NAALADL2: variants seen among roughly 807,000 people sequenced by gnomAD.
The protein encoded by NAALADL2 is N-acetylated alpha-linked acidic dipeptidase like 2.
Under a neutral mutation model 87.2 loss-of-function variants are expected in NAALADL2, and 76 were observed. The observed-to-expected ratio is 0.87, with a 90% confidence interval of 0.72 to 1.05. NAALADL2 has a LOEUF of 1.05. Ranked by LOEUF, NAALADL2 falls within the 50% of genes least tolerant of loss-of-function variation. The pLI is 0.00. For missense variants in NAALADL2, 1,089 were observed against 945.8 expected (o/e 1.15, Z -1.99); for synonymous variants, 354 against 331.0 (o/e 1.07, Z -0.75).
At chr3:175,314,439 A>G (rs1159899785) in intron 4 of NAALADL2, among the ~76,000 whole-genome samples, 1 of 150,782 alleles carries the variant, frequency 6.6e-6, no homozygotes, top group Non-Finnish European at 1.5e-5. Context: ...TCAAAATAAA[A>G]TAAACCTATT....
chr3:174,461,297 TTTA>T (rs1441114589), intron 1 of NAALADL2, among the ~76,000 whole-genome samples: 5 of 152,136 alleles, frequency 3.3e-5, no homozygotes, highest in African/African-American at 4.8e-5. Context: ...ATTTATTTGT[TTTA>T]TTAGTCTCAA....
chr3:175,083,591 C>T (rs1311285382), intron 1 of NAALADL2, among the ~76,000 whole-genome samples: 1 of 152,018 alleles, frequency 6.6e-6, no homozygotes, highest in African/African-American at 2.4e-5. Context: ...GAATTCAAAC[C>T]TAGCTGTCTT....
rs556385244 is a variant in NAALADL2, at chr3:174,607,234, G to A, written c.-115+56597G>A. Among the ~76,000 whole-genome samples the A allele has an allele frequency of 1.4e-4, 22 of 151,980 alleles. No homozygotes were observed. In the East Asian group the frequency reaches 3.1e-3, roughly 21 times the overall value. On this transcript the variant is annotated intron_variant, in intron 2 of 3. Coordinates refer to the NAALADL2 transcript ENST00000434257. ...ATCATGCCAAAATGTAAAGACCATC[G>A]AGACTAGGAAGAAACTGCATCAACT...
intron 1 of NAALADL2, among the ~76,000 whole-genome samples, chr3:175,067,810 T>C (rs910272867): frequency 2.0e-5 from 3 of 152,052 alleles, no homozygotes; most frequent in African/African-American, 7.2e-5. Context: ...CACAGCACCA[T>C]TCAAAATAGC....
At chr3:175,357,275 T>C (rs1395707944) in intron 5 of NAALADL2, among the ~76,000 whole-genome samples, 3 of 152,186 alleles carry the variant, frequency 2.0e-5, no homozygotes, top group Admixed American at 6.6e-5. Context: ...TGACAGGCTA[T>C]GCTGCTGTAT....
Position 175,392,682 on chromosome 3 carries a change from C to T in NAALADL2, c.1091-54547C>T, listed in dbSNP as rs140794279. Among the ~76,000 whole-genome samples, 228 of 152,214 alleles carry T rather than the reference C, an allele frequency of 1.5e-3. 1 individual carries two copies. Among genetic ancestry groups the T allele is most frequent in the African/African-American group, 5.2e-3 (215 of 41,546 alleles). ...TCCTAAAACGGTGCACCTGCACCATCGATTATGCCAGGAAGAGCTAGCACA... is the reference window on the plus strand; with the variant it reads ...TCCTAAAACGGTGCACCTGCACCATTGATTATGCCAGGAAGAGCTAGCACA... On this transcript the variant is annotated intron_variant, in intron 5 of 13. Transcript: ENST00000454872.
chr3:174,800,676 C>G (rs1283428424), intron 3 of NAALADL2, among the ~76,000 whole-genome samples: 2 of 152,148 alleles, frequency 1.3e-5, no homozygotes, highest in East Asian at 1.9e-4. Flanking sequence ...ATGCTAGATC[C>G]ACCAACATCT....
chr3:175,308,499 T>C (rs981778458), intron 4 of NAALADL2, among the ~76,000 whole-genome samples: 2 of 152,206 alleles, frequency 1.3e-5, no homozygotes, highest in African/African-American at 4.8e-5. Flanking sequence ...GAAATAATAC[T>C]CGGAACTAGA....
intron 2 of NAALADL2, among the ~76,000 whole-genome samples, chr3:174,657,405 A>C (rs1725068825): frequency 6.6e-6 from 1 of 151,858 alleles, no homozygotes; most frequent in Admixed American, 6.6e-5. Flanking sequence ...AATCCACCTG[A>C]CTTGGCCTTC....
Position 175,446,935 on chromosome 3 carries a change from C to T in NAALADL2, c.1091-294C>T, listed in dbSNP as rs181591200. 1.8e-3 allele frequency among the ~76,000 whole-genome samples: 280 copies of T among 152,242 alleles called. 5 individuals are homozygous for T. The highest frequency in any genetic ancestry group is 0.013 in the South Asian group (65 of 4,830). On this transcript the variant is annotated intron_variant, in intron 5 of 13. Transcript: ENST00000454872. ...TTCTCCTGGCCCCTGTACCTTTATG[C>T]TTTCTCATTCTTTTGTCATCATTTT...
chr3:174,511,724 G>A (rs1008329514), intron 1 of NAALADL2, among the ~76,000 whole-genome samples: 1 of 147,240 alleles, frequency 6.8e-6, no homozygotes, highest in African/African-American at 2.5e-5. Flanking sequence ...TTTTTTTCTT[G>A]TTACTGTCAC....
At chr3:174,737,706 C>T (rs1733355175) in exon 3 of NAALADL2, 1 of 152,184 alleles carries the variant, frequency 6.6e-6, no homozygotes. Context: ...CTCCTGTAAC[C>T]TGCAGAAGCC....
chr3:175,494,690 A>G lies in NAALADL2; in HGVS notation c.1653+22932A>G, dbSNP rs758544394. On this transcript the variant is annotated intron_variant, in intron 9 of 13. Transcript: ENST00000454872. ...TAATACCCACAGGTACCGATTTCCA[A>G]TCGGTACCTAGGACACGTCTTTAAA... Among the ~76,000 whole-genome samples, 10 of 152,100 alleles carry G rather than the reference A, an allele frequency of 6.6e-5. No individual in the cohort carries two copies. The East Asian group carries it at 7.7e-4, about 12-fold the overall frequency.
intron 1 of NAALADL2, among the ~76,000 whole-genome samples, chr3:175,080,664 T>C (rs2109235601): frequency 6.6e-6 from 1 of 152,278 alleles, no homozygotes; most frequent in East Asian, 1.9e-4. Context: ...CACTGAAACA[T>C]TTGTATCATC....
rs371307113 is a variant in NAALADL2 at position 175,638,387 on chromosome 3, G to T, written c.1896+11001G>T. On this transcript the variant is annotated intron_variant, in intron 11 of 13. Transcript: ENST00000454872. Reference sequence around the variant, plus strand: ...AGACTCAGATGCTCTTACTAAAATGGTATACCATTCAGTTTATTCACATCC... The same window carrying T: ...AGACTCAGATGCTCTTACTAAAATGTTATACCATTCAGTTTATTCACATCC... Among the ~76,000 whole-genome samples, 5 of 152,208 alleles carry T rather than the reference G, an allele frequency of 3.3e-5. No homozygotes were observed. The South Asian group carries it at 8.3e-4, about 25-fold the overall frequency.
intron 13 of NAALADL2, among the ~76,000 whole-genome samples, chr3:175,785,573 C>A (rs1466261979): frequency 7.2e-6 from 1 of 138,650 alleles, no homozygotes; most frequent in Non-Finnish European, 1.5e-5. Flanking sequence ...CTTCCTCCAT[C>A]CTTTTATTTT....
intron 2 of NAALADL2, among the ~76,000 whole-genome samples, chr3:175,151,138 C>G (rs1731484057): frequency 6.6e-6 from 1 of 152,170 alleles, no homozygotes; most frequent in Non-Finnish European, 1.5e-5. Flanking sequence ...AGCTTCTGGT[C>G]TTGAATCAGA....
At chr3:174,613,351 C>A (rs1343557763) in intron 2 of NAALADL2, among the ~76,000 whole-genome samples, 2 of 152,180 alleles carry the variant, frequency 1.3e-5, no homozygotes, top group Non-Finnish European at 2.9e-5. Flanking sequence ...AGGCCTGTGT[C>A]ATCCCTTCAG....
intron 2 of NAALADL2, among the ~76,000 whole-genome samples, chr3:174,668,817 G>A (rs1296498765): frequency 4.6e-5 from 7 of 152,112 alleles, no homozygotes; most frequent in African/African-American, 9.7e-5. Context: ...AATCCAGTCT[G>A]TCATTGTTGG....
Sources: gnomAD v4.1 joint callset for allele counts (sites outside exome capture counted in the v4.1 genomes callset) on GRCh38, gnomAD v4.1.1 for gene constraint, MANE v1.5 for transcripts, NCBI Gene and HGNC (gene_info 2026-07-23, HGNC 2026-07-21) for gene names.